Variants in ST6GAL2 observed in about 807,000 individuals in gnomAD.
The protein encoded by ST6GAL2 is ST6 beta-galactoside alpha-2,6-sialyltransferase 2, also known as beta-galactoside alpha-2,6-sialyltransferase 2.
ST6GAL2 carries 24 observed loss-of-function variants against 37.5 expected under a neutral mutation model. The observed-to-expected ratio is 0.64, with a 90% CI of 0.46 to 0.90. The LOEUF (loss-of-function observed/expected upper bound fraction) is 0.90. ST6GAL2 is among the 40% of genes least tolerant of loss of function. The pLI is 0.00. For missense variants in ST6GAL2, 715 were observed against 712.7 expected (o/e 1.00, Z -0.04); for synonymous variants, 306 against 295.1 (o/e 1.04, Z -0.38).
chr2:106,821,751 T>A (rs933781969), intron 5 of ST6GAL2, among the ~76,000 whole-genome samples: 1 of 152,018 alleles, frequency 6.6e-6, no homozygotes, highest in Admixed American at 6.5e-5. Context: ...ATATTGATTT[T>A]AAAAAATCCT....
intron 1 of ST6GAL2, among the ~76,000 whole-genome samples, chr2:106,864,119 A>C (rs893010959): frequency 6.6e-6 from 1 of 152,222 alleles, no homozygotes; most frequent in Non-Finnish European, 1.5e-5. Context: ...TTCCACAGAA[A>C]CAATGTTCAA....
chr2:106,853,154 G>T (rs1677439554), intron 1 of ST6GAL2, among the ~76,000 whole-genome samples: 1 of 151,850 alleles, frequency 6.6e-6, no homozygotes, highest in Non-Finnish European at 1.5e-5. Context: ...TTTCACTCCA[G>T]CTCCCTACAT....
intron 5 of ST6GAL2, among the ~76,000 whole-genome samples, chr2:106,816,718 C>A (rs537212948): frequency 6.6e-6 from 1 of 152,266 alleles, no homozygotes; most frequent in African/African-American, 2.4e-5. Flanking sequence ...GCAGGAACAC[C>A]AAAGTCAACA....
chr2:106,860,851 A>G (rs12463691), intron 1 of ST6GAL2, among the ~76,000 whole-genome samples: 2,054 of 152,322 alleles, frequency 0.013, 96 homozygotes, highest in East Asian at 0.094. Context: ...ATGGAAACTT[A>G]GAAGTATGTC....
At chr2:106,834,725 G>C (rs376985012) in intron 2 of ST6GAL2, 1 of 152,562 alleles carries the variant, frequency 6.6e-6, no homozygotes, top group Admixed American at 6.5e-5. Flanking sequence ...ACCTGTGTGA[G>C]AGCAACCTTA....
chr2:106,868,624 C>G (rs982068729), intron 1 of ST6GAL2, among the ~76,000 whole-genome samples: 1 of 152,066 alleles, frequency 6.6e-6, no homozygotes, highest in Non-Finnish European at 1.5e-5. Flanking sequence ...TTAGAACTGC[C>G]GTTATCAGAG....
chr2:106,863,468 T>TCA (rs1677889393), intron 1 of ST6GAL2, among the ~76,000 whole-genome samples: 1 of 152,006 alleles, frequency 6.6e-6, no homozygotes, highest in South Asian at 2.1e-4. Context: ...CCAACGGGGT[T>TCA]CAAAATATTT....
intron 1 of ST6GAL2, among the ~76,000 whole-genome samples, chr2:106,872,925 A>G (rs1416420228): frequency 1.3e-5 from 2 of 152,150 alleles, no homozygotes; most frequent in African/African-American, 2.4e-5. Context: ...GTACAGGTTC[A>G]GAGTAAGGAA....
In ST6GAL2 at chr2:106,832,644, TG is replaced by T; in HGVS notation, c.1063del (p.His355ThrfsTer89). On this transcript the variant is annotated frameshift_variant, in exon 4 of 6. Transcript: ENST00000409382. LOFTEE classifies it high-confidence loss of function. ...NSQILTNPSH[H>X]FIDSSLYKDV... ...TTTATACAGTGAACTGTCAATGAAG[TG>T]ATGGCTGGGGTTGGTCAGAATCTGC... 1 of 1,612,394 alleles carries T rather than the reference TG, an allele frequency of 6.2e-7. No individual in the cohort carries two copies. The highest frequency in any genetic ancestry group is 1.1e-5 in the South Asian group (1 of 91,006).
intron 1 of ST6GAL2, among the ~76,000 whole-genome samples, chr2:106,852,681 G>A (rs1038883566): frequency 2.0e-5 from 3 of 152,220 alleles, no homozygotes; most frequent in Non-Finnish European, 4.4e-5. Flanking sequence ...TGGTTCAGGA[G>A]GGGAAGGGTT....
At chr2:106,836,771 TA>T (rs1676657936) in intron 2 of ST6GAL2, among the ~76,000 whole-genome samples, 1 of 24,554 alleles carries the variant, frequency 4.1e-5, no homozygotes, top group Non-Finnish European at 7.7e-5. Context: ...CTACTAAAAA[TA>T]CAAAAAAAAA....
intron 1 of ST6GAL2, among the ~76,000 whole-genome samples, chr2:106,855,215 C>T (rs1677526850): frequency 6.6e-6 from 1 of 152,204 alleles, no homozygotes; most frequent in Non-Finnish European, 1.5e-5. Flanking sequence ...CAGAATCTCT[C>T]TTCAGTCCAG....
chr2:106,872,645 C>T (rs541376852), intron 1 of ST6GAL2, among the ~76,000 whole-genome samples: 210 of 150,142 alleles, frequency 1.4e-3, no homozygotes, highest in Non-Finnish European at 2.4e-3. Flanking sequence ...GTTTCGCTCT[C>T]GTCACCCAGG....
intron 5 of ST6GAL2, among the ~76,000 whole-genome samples, chr2:106,828,857 T>C (rs929823718): frequency 5.3e-5 from 8 of 152,100 alleles, no homozygotes; most frequent in African/African-American, 1.9e-4. Context: ...AAAGAAACAA[T>C]GGGGTGATAA....
At chr2:106,864,478 T>C (rs992995226) in intron 1 of ST6GAL2, among the ~76,000 whole-genome samples, 3 of 152,242 alleles carry the variant, frequency 2.0e-5, no homozygotes, top group Non-Finnish European at 4.4e-5. Flanking sequence ...AATCTTACTA[T>C]AGCATTTAAC....
At chr2:106,807,628 ATTCT>A (rs1675461128) in intron 5 of ST6GAL2, among the ~76,000 whole-genome samples, 1 of 113,326 alleles carries the variant, frequency 8.8e-6, no homozygotes, top group African/African-American at 3.0e-5. Context: ...AGTACATTTT[ATTCT>A]TTTTTTTTTT....
At chr2:106,816,306 G>A (rs372549542) in intron 5 of ST6GAL2, among the ~76,000 whole-genome samples, 5 of 152,252 alleles carry the variant, frequency 3.3e-5, no homozygotes, top group South Asian at 2.1e-4. Flanking sequence ...CCTTACATAC[G>A]TTAATAAAAT....
intron 2 of ST6GAL2, among the ~76,000 whole-genome samples, chr2:106,835,275 C>T (rs1193552939): frequency 6.6e-6 from 1 of 152,136 alleles, no homozygotes. Context: ...TTCTGTCATG[C>T]CCAAGGGGAG....
At chr2:106,880,407 C>G (rs770107482) in intron 1 of ST6GAL2, among the ~76,000 whole-genome samples, 1 of 152,212 alleles carries the variant, frequency 6.6e-6, no homozygotes, top group East Asian at 1.9e-4. Flanking sequence ...AGTCATCAGC[C>G]TGGGGCCAGG....
Sources: allele counts gnomAD v4.1 joint callset (sites outside exome capture counted in the v4.1 genomes callset), GRCh38; gene constraint gnomAD v4.1.1; transcripts MANE v1.5; gene names NCBI Gene and HGNC (gene_info 2026-07-23, HGNC 2026-07-21).